Variants in TNNI3K observed in about 807,000 individuals in gnomAD.
TNNI3K encodes serine/threonine-protein kinase TNNI3K.
In TNNI3K, 140 loss-of-function variants were observed where a neutral mutation model predicts 114.5. The observed-to-expected ratio is 1.22, with a 90% CI of 1.07 to 1.41. TNNI3K has a LOEUF of 1.41. TNNI3K is among the 40% of genes most tolerant of loss of function. The pLI is 0.00. For synonymous variants in TNNI3K, 347 were observed against 347.5 expected (o/e 1.00, Z 0.02); for missense variants, 1,125 against 1,007.6 (o/e 1.12, Z -1.58).
chr1:74,311,749 G>C (rs1659007501), intron 5 of TNNI3K, among the ~76,000 whole-genome samples: 1 of 152,118 alleles, frequency 6.6e-6, no homozygotes, highest in South Asian at 2.1e-4. Flanking sequence ...ATTTTAGCCT[G>C]TTTGAGTCTC....
intron 21 of TNNI3K, chr1:74,472,131 C>T: frequency 1.4e-6 from 1 of 717,206 alleles, no homozygotes. Flanking sequence ...TTAAACGCTT[C>T]TCAAGACTTT....
intron 7 of TNNI3K, chr1:74,342,089 A>G (rs1413299916): frequency 6.6e-6 from 1 of 152,156 alleles, no homozygotes; most frequent in Non-Finnish European, 1.5e-5. Context: ...CTAGCTGCAA[A>G]CAGATCTTGG....
intron 17 of TNNI3K, chr1:74,401,694 AAC>A (rs1318173709): frequency 2.8e-6 from 1 of 356,216 alleles, no homozygotes; most frequent in Admixed American, 3.5e-5. Context: ...ATAACAGCTT[AAC>A]ACAGAGAAAA....
intron 5 of TNNI3K, among the ~76,000 whole-genome samples, chr1:74,311,291 A>T (rs1021601630): frequency 6.6e-6 from 1 of 152,160 alleles, no homozygotes; most frequent in East Asian, 1.9e-4. Flanking sequence ...TTCAGTTGTC[A>T]TAATCATATA....
At chr1:74,273,983 A>G (rs1287972933) in intron 5 of TNNI3K, among the ~76,000 whole-genome samples, 2 of 151,902 alleles carry the variant, frequency 1.3e-5, no homozygotes, top group African/African-American at 4.8e-5. Context: ...ACTTTTGACC[A>G]ATGTGGGAGT....
At chr1:74,370,442 T>C in intron 17 of TNNI3K, 50 bp downstream of exon 17, 2 of 1,507,756 alleles carry the variant, frequency 1.3e-6, no homozygotes, top group Non-Finnish European at 1.8e-6. Flanking sequence ...TAACTGGGAG[T>C]TTAAGACAGA....
chr1:74,428,932 G>A (rs1322896195), intron 17 of TNNI3K, among the ~76,000 whole-genome samples: 1 of 152,072 alleles, frequency 6.6e-6, no homozygotes, highest in East Asian at 1.9e-4. Flanking sequence ...AACAGAGTGA[G>A]ACCCTGTCTC....
intron 23 of TNNI3K, among the ~76,000 whole-genome samples, chr1:74,533,431 T>C (rs1557632825): frequency 1.3e-5 from 2 of 152,266 alleles, no homozygotes; most frequent in Non-Finnish European, 2.9e-5. Flanking sequence ...GGAGAGGATG[T>C]GGAGAAATAG....
chr1:74,381,057 T>A (rs757772984), intron 17 of TNNI3K, among the ~76,000 whole-genome samples: 7 of 152,184 alleles, frequency 4.6e-5, no homozygotes, highest in Non-Finnish European at 1.0e-4. Context: ...TAAACCTTTT[T>A]AAAGTCTCAT....
chr1:74,494,393 A>G (rs1253678189), intron 23 of TNNI3K, among the ~76,000 whole-genome samples: 1 of 152,196 alleles, frequency 6.6e-6, no homozygotes, highest in Non-Finnish European at 1.5e-5. Context: ...GAAGTCTTTA[A>G]TCTATAAAAT....
rs772984069 is a variant in TNNI3K at position 74,544,024 on chromosome 1, T to C, written c.*42T>C. 1 of 1,591,908 alleles carries C rather than the reference T, an allele frequency of 6.3e-7. No homozygotes were observed. The highest frequency in any genetic ancestry group is 1.8e-5 in the Admixed American group (1 of 55,972). On this transcript the variant is annotated 3_prime_UTR_variant, in exon 25 of 25. Coordinates refer to ENST00000326637, the MANE Select transcript of TNNI3K (RefSeq NM_015978.3). ...CCTAAGGAGAGTTTTTTCCCCGAAC[T>C]GACAGCAACGATTCCAACCACGGCA...
intron 21 of TNNI3K, chr1:74,465,029 T>C: frequency 9.2e-7 from 1 of 1,085,768 alleles, no homozygotes; most frequent in Non-Finnish European, 1.1e-6. Flanking sequence ...CATTTTCTTG[T>C]ATTTCAGTGT....
chr1:74,463,726 C>T (rs1557581972), intron 21 of TNNI3K, among the ~76,000 whole-genome samples, 176 bp downstream of exon 21: 1 of 152,194 alleles, frequency 6.6e-6, no homozygotes, highest in Non-Finnish European at 1.5e-5. Context: ...TCTCATATTT[C>T]TTAGCTGCTG....
chr1:74,353,406 G>T, intron 10 of TNNI3K, 46 bp downstream of exon 10: 1 of 1,602,352 alleles, frequency 6.2e-7, no homozygotes, highest in Non-Finnish European at 8.5e-7. Flanking sequence ...GCTTATCAAT[G>T]ATTAAGAATA....
At position 74,352,293 on chromosome 1, in the gene TNNI3K, A is replaced by G. The variant is rs531174244; in HGVS notation, c.933-973A>G. Among the ~76,000 whole-genome samples, 357 of 152,262 alleles carry G rather than the reference A, an allele frequency of 2.3e-3. 1 individual carries two copies. Among genetic ancestry groups the G allele is most frequent in the African/African-American group, 7.9e-3 (329 of 41,556 alleles). ...GGCTGCAGAACAGTGGATATTGGTG[A>G]ACCGCAAATGCTGCTGCCTGATCGT... is the stretch of plus-strand genomic sequence containing the variant. On this transcript the variant is annotated intron_variant, in intron 9 of 24. Transcript: ENST00000326637.
intron 23 of TNNI3K, among the ~76,000 whole-genome samples, chr1:74,507,336 C>G (rs1669959972): frequency 6.6e-6 from 1 of 151,376 alleles, no homozygotes; most frequent in Non-Finnish European, 1.5e-5. Context: ...AACTAGTTAC[C>G]CATCATGTTT....
intron 5 of TNNI3K, among the ~76,000 whole-genome samples, chr1:74,304,376 T>G (rs1658499966): frequency 6.6e-6 from 1 of 152,170 alleles, no homozygotes; most frequent in African/African-American, 2.4e-5. Context: ...GCAAAATGAC[T>G]ACAACTCACT....
chr1:74,264,232 T>C (rs1655840391), intron 4 of TNNI3K, among the ~76,000 whole-genome samples: 1 of 151,874 alleles, frequency 6.6e-6, no homozygotes, highest in African/African-American at 2.4e-5. Flanking sequence ...TAAAAACTGA[T>C]ATCTTTTGTG....
At chr1:74,364,073 C>G (rs1478343384) in intron 11 of TNNI3K, among the ~76,000 whole-genome samples, 1 of 150,586 alleles carries the variant, frequency 6.6e-6, no homozygotes, top group Non-Finnish European at 1.5e-5. Flanking sequence ...GATTGTAGCT[C>G]ACTACAATCT....
Sources: allele counts gnomAD v4.1 joint callset (sites outside exome capture counted in the v4.1 genomes callset), GRCh38; gene constraint gnomAD v4.1.1; transcripts MANE v1.5; gene names NCBI Gene and HGNC (gene_info 2026-07-23, HGNC 2026-07-21).